Variants in BNC2 observed in about 807,000 individuals in gnomAD.
BNC2 encodes basonuclin zinc finger protein 2.
BNC2 carries 20 observed loss-of-function variants against 76.3 expected under a neutral mutation model. That is an observed-to-expected ratio of 0.26 (90% CI 0.18 to 0.38). The LOEUF (loss-of-function observed/expected upper bound fraction) is 0.38. Ranked by LOEUF, BNC2 falls within the 10% of genes least tolerant of loss-of-function variation. The probability of loss-of-function intolerance (pLI) is 1.00; values close to 1 mark genes in which losing one functional copy is unlikely to be tolerated. For synonymous variants in BNC2, 582 were observed against 514.8 expected, an observed-to-expected ratio of 1.13 and a Z score of -1.77; for missense variants, 1,382 against 1,399.8, an observed-to-expected ratio of 0.99 and a Z score of 0.20.
intron 1 of BNC2, among the ~76,000 whole-genome samples, chr9:16,738,960 A>C (rs1824761445): frequency 6.6e-6 from 1 of 152,016 alleles, no homozygotes; most frequent in Non-Finnish European, 1.5e-5. Context: ...ACCTTAACAA[A>C]AACAGAATAG....
chr9:16,534,718 A>G (rs999906848), intron 5 of BNC2, among the ~76,000 whole-genome samples: 6 of 152,182 alleles, frequency 3.9e-5, no homozygotes, highest in Non-Finnish European at 7.4e-5. Flanking sequence ...ACTCAGCAGG[A>G]AGATGGCTTT....
chr9:16,782,902 T>A (rs1490567457), intron 1 of BNC2, among the ~76,000 whole-genome samples: 2 of 152,210 alleles, frequency 1.3e-5, no homozygotes, highest in East Asian at 1.9e-4. Context: ...GTGAATAGTC[T>A]ACCTTAGAAG....
At chr9:16,465,175 C>A (rs1435357873) in intron 5 of BNC2, among the ~76,000 whole-genome samples, 1 of 152,150 alleles carries the variant, frequency 6.6e-6, no homozygotes, top group Non-Finnish European at 1.5e-5. Flanking sequence ...GCGGCTCACG[C>A]CTGTAATCCC....
intron 1 of BNC2, among the ~76,000 whole-genome samples, chr9:16,767,046 A>C (rs1407228583): frequency 6.6e-6 from 1 of 152,272 alleles, no homozygotes; most frequent in Non-Finnish European, 1.5e-5. Flanking sequence ...TGGCTACCTT[A>C]CATGGCATAG....
chr9:16,606,459 C>G (rs1820387628), intron 3 of BNC2, among the ~76,000 whole-genome samples: 1 of 152,042 alleles, frequency 6.6e-6, no homozygotes. Context: ...TGGGAGATGG[C>G]TGAATCATCA....
intron 1 of BNC2, among the ~76,000 whole-genome samples, chr9:16,795,627 C>A (rs569684682): frequency 2.0e-5 from 3 of 152,234 alleles, no homozygotes; most frequent in African/African-American, 7.2e-5. Flanking sequence ...CCCAGGCTCA[C>A]ACACACTGCT....
At chr9:16,823,222 C>A (rs993473077) in intron 1 of BNC2, among the ~76,000 whole-genome samples, 6 of 152,216 alleles carry the variant, frequency 3.9e-5, no homozygotes, top group African/African-American at 1.4e-4. Context: ...GACTTTCTAA[C>A]CAACAAATTC....
At chr9:16,830,867 C>T (rs1326985087) in intron 1 of BNC2, among the ~76,000 whole-genome samples, 4 of 152,202 alleles carry the variant, frequency 2.6e-5, no homozygotes, top group Admixed American at 6.5e-5. Flanking sequence ...CCTAAGGATT[C>T]TTGGAGGCTG....
chr9:16,524,724 C>T (rs1407091327), intron 5 of BNC2, among the ~76,000 whole-genome samples: 4 of 152,042 alleles, frequency 2.6e-5, no homozygotes, highest in African/African-American at 9.7e-5. Flanking sequence ...CTCTATACAA[C>T]AACATTTATT....
chr9:16,576,991 C>T (rs1563847349), intron 4 of BNC2, among the ~76,000 whole-genome samples: 2 of 152,172 alleles, frequency 1.3e-5, no homozygotes, highest in Admixed American at 1.3e-4. Context: ...CTGCCTCGGC[C>T]TCCCAAAGTG....
intron 3 of BNC2, among the ~76,000 whole-genome samples, chr9:16,654,378 G>A (rs1256778413): frequency 6.6e-6 from 1 of 152,142 alleles, no homozygotes. Flanking sequence ...TAAAATGTAC[G>A]TAAGTTGTGC....
At chr9:16,687,788 C>A (rs935930523) in intron 3 of BNC2, among the ~76,000 whole-genome samples, 1 of 152,168 alleles carries the variant, frequency 6.6e-6, no homozygotes, top group Admixed American at 6.5e-5. Context: ...TTCACAGTCA[C>A]AGAATGCACT....
chr9:16,594,523 G>T (rs1820014314), intron 3 of BNC2, among the ~76,000 whole-genome samples: 1 of 152,056 alleles, frequency 6.6e-6, no homozygotes, highest in Admixed American at 6.6e-5. Flanking sequence ...ACTCCTCTAG[G>T]TTTGTGATAA....
intron 5 of BNC2, among the ~76,000 whole-genome samples, chr9:16,509,912 T>G (rs1400206488): frequency 6.6e-6 from 1 of 152,212 alleles, no homozygotes; most frequent in Non-Finnish European, 1.5e-5. Flanking sequence ...TGTCCAGATT[T>G]TGGGTTCTAA....
intron 3 of BNC2, among the ~76,000 whole-genome samples, chr9:16,690,710 G>C (rs920135306): frequency 6.6e-6 from 1 of 152,148 alleles, no homozygotes; most frequent in African/African-American, 2.4e-5. Flanking sequence ...GTGCCTGAAG[G>C]AGACACAGAT....
intron 5 of BNC2, among the ~76,000 whole-genome samples, chr9:16,443,064 CAAA>C (rs908689709): frequency 3.1e-5 from 2 of 63,664 alleles, no homozygotes; most frequent in Non-Finnish European, 3.4e-5. Flanking sequence ...GAGACTCTGT[CAAA>C]AAAAAAAAAA....
At chr9:16,563,214 A>C (rs1819067219) in intron 4 of BNC2, among the ~76,000 whole-genome samples, 1 of 152,242 alleles carries the variant, frequency 6.6e-6, no homozygotes, top group Non-Finnish European at 1.5e-5. Flanking sequence ...TTTTGTTAAA[A>C]AAAAATTGCA....
intron 1 of BNC2, among the ~76,000 whole-genome samples, chr9:16,742,705 T>C (rs564735428): frequency 1.4e-4 from 22 of 152,322 alleles, no homozygotes; most frequent in African/African-American, 5.3e-4. Flanking sequence ...CAGTGCATTA[T>C]AAAACCAATA....
At chr9:16,671,584 T>A (rs1363943561) in intron 3 of BNC2, among the ~76,000 whole-genome samples, 1 of 152,186 alleles carries the variant, frequency 6.6e-6, no homozygotes, top group Non-Finnish European at 1.5e-5. Context: ...TCTGGTCCTA[T>A]GCATCACTTC....
Sources: allele counts gnomAD v4.1 joint callset (sites outside exome capture counted in the v4.1 genomes callset), GRCh38; gene constraint gnomAD v4.1.1; transcripts MANE v1.5; gene names NCBI Gene and HGNC (gene_info 2026-07-23, HGNC 2026-07-21).